DDX19A: variants seen among roughly 807,000 people sequenced by gnomAD.
DDX19A encodes the protein ATP-dependent RNA helicase DDX19A.
Under a neutral mutation model 60.6 loss-of-function variants are expected in DDX19A, and 12 were observed. That is an observed-to-expected ratio of 0.20 (90% confidence interval 0.13 to 0.32). DDX19A has a LOEUF of 0.32. DDX19A is among the 10% of genes least tolerant of loss of function. The pLI, the probability that DDX19A is intolerant of heterozygous loss-of-function variation, is 1.00. For synonymous variants in DDX19A, 206 were observed against 218.2 expected (o/e 0.94, Z 0.49); for missense variants, 337 against 600.6 (o/e 0.56, Z 4.59).
intron 5 of DDX19A, among the ~76,000 whole-genome samples, chr16:70,362,352 A>C (rs1002535948): frequency 2.0e-5 from 3 of 151,670 alleles, no homozygotes; most frequent in East Asian, 1.9e-4. Flanking sequence ...AAAAAAAAAA[A>C]AAAAAAAAAA....
Position 70,371,081 on chromosome 16 carries a change from C to G in DDX19A, c.1184-291C>G, listed in dbSNP as rs1361160483. ...TGGAAGGAAATGTACAGGCATCTGA[C>G]TGGTAGAGAACGGAGCCTACTCTTC... On this transcript the variant is annotated intron_variant, in intron 10 of 11. Transcript: ENST00000302243. The G allele has an allele frequency of 9.0e-6, 5 of 555,374 alleles. No homozygotes were observed. In the Admixed American group the frequency reaches 1.3e-4, roughly 14 times the overall value. The allele number at this position is 555,374 out of a possible 1,614,324, so 34.4% of individuals were successfully genotyped here. A position where few individuals can be genotyped will look rare whatever the true frequency, so the allele number is the denominator to read the frequency against.
At chr16:70,368,266 A>G (rs940197607) in intron 9 of DDX19A, among the ~76,000 whole-genome samples, 2 of 152,098 alleles carry the variant, frequency 1.3e-5, no homozygotes, top group East Asian at 1.9e-4. Flanking sequence ...CACTTGTGCC[A>G]AAAGTATTCT....
intron 11 of DDX19A, 87 bp downstream of exon 11, chr16:70,371,650 G>A (rs1162506104): frequency 4.1e-6 from 3 of 729,390 alleles, no homozygotes; most frequent in Non-Finnish European, 2.2e-6. Flanking sequence ...GTAGCCCCAA[G>A]AGAGGCTCTG....
chr16:70,349,882 C>T (rs1457307175), intron 1 of DDX19A, among the ~76,000 whole-genome samples: 1 of 152,136 alleles, frequency 6.6e-6, no homozygotes, highest in Non-Finnish European at 1.5e-5. Flanking sequence ...ATAAAGGCTT[C>T]CTAATAGTTG....
chr16:70,369,273 G>T, intron 9 of DDX19A, among the ~76,000 whole-genome samples: 1 of 143,456 alleles, frequency 7.0e-6, no homozygotes, highest in East Asian at 2.2e-4. Context: ...TCTGCCTCCC[G>T]GGTTCAAGCG....
chr16:70,371,705 G>A, intron 11 of DDX19A, 142 bp downstream of exon 11: 2 of 1,149,994 alleles, frequency 1.7e-6, no homozygotes. Flanking sequence ...GCAGTTCTCA[G>A]GGAGCACACC....
chr16:70,356,158 C>T lies in DDX19A; in HGVS notation c.204C>T (p.Asn68=). The change falls in exon 4 of 12, where the codon AAC becomes AAT. Residue 68 remains asparagine (N), a synonymous_variant. Coordinates refer to ENST00000302243, the MANE Select transcript of DDX19A (RefSeq NM_018332.5). ...TACTCAACAAGCTGATCAGAAGCAA[C>T]CTTGTTGATAACACAAACCAAGTGG... ...QSLLNKLIRS[N]LVDNTNQVEV... is the part of the protein sequence containing the mutation. 1.1e-5 allele frequency: 18 copies of T among 1,614,040 alleles called. No individual in the cohort carries two copies. The highest frequency in any genetic ancestry group is 2.2e-5 in the East Asian group (1 of 44,868).
chr16:70,370,100 G>A (rs1393016042), intron 9 of DDX19A, 123 bp from the exon 10 acceptor site: 4 of 1,363,554 alleles, frequency 2.9e-6, no homozygotes, highest in Non-Finnish European at 3.9e-6. Flanking sequence ...GGGAAGCCAA[G>A]GCAGGATAAT....
intron 3 of DDX19A, 82 bp downstream of exon 3, chr16:70,355,617 A>G: frequency 2.7e-6 from 3 of 1,093,652 alleles, no homozygotes; most frequent in Non-Finnish European, 4.2e-6. Flanking sequence ...TCCAAGCTAC[A>G]AGATCCAGGA....
chr16:70,355,638 A>G, intron 3 of DDX19A, 103 bp downstream of exon 3: 1 of 934,128 alleles, frequency 1.1e-6, no homozygotes, highest in Non-Finnish European at 1.7e-6. Flanking sequence ...GATGAGAGGA[A>G]TCAGAGAAGG....
chr16:70,353,373 C>A (rs538763430), intron 2 of DDX19A, among the ~76,000 whole-genome samples: 10 of 152,128 alleles, frequency 6.6e-5, no homozygotes, highest in African/African-American at 2.2e-4. Flanking sequence ...CTTGGCCTCG[C>A]AAAGTGCTAG....
At position 70,366,227 on chromosome 16, in the gene DDX19A, T is replaced by G. The variant is rs1964515666; in HGVS notation, c.747T>G (p.Thr249=). The change falls in exon 8 of 12, where the codon ACT becomes ACG. Residue 249 remains threonine, a synonymous_variant. Transcript: ENST00000302243. ...ATGAGGCTGATGTCATGATAGCCAC[T>G]CAGGGCCACCAAGATCAGAGCATCC... ...VLDEADVMIA[T]QGHQDQSIRI... is the part of the protein sequence containing the mutation. 1 of 1,614,062 alleles carries G rather than the reference T, an allele frequency of 6.2e-7. No individual in the cohort carries two copies. The highest frequency in any genetic ancestry group is 1.1e-5 in the South Asian group (1 of 91,068).
chr16:70,359,889 T>C (rs1360721514), intron 4 of DDX19A, among the ~76,000 whole-genome samples: 1 of 152,166 alleles, frequency 6.6e-6, no homozygotes, highest in Non-Finnish European at 1.5e-5. Context: ...TTATTTTGAT[T>C]AGACCTAAGT....
At chr16:70,355,000 T>C (rs1964137755) in intron 2 of DDX19A, among the ~76,000 whole-genome samples, 1 of 148,632 alleles carries the variant, frequency 6.7e-6, no homozygotes, top group African/African-American at 2.5e-5. Context: ...AGACCCTGTC[T>C]CAAAAAAAAA....
chr16:70,370,486 G>GAGAT, intron 10 of DDX19A, 101 bp downstream of exon 10: 1 of 1,478,380 alleles, frequency 6.8e-7, no homozygotes. Context: ...TGGTCTCAGG[G>GAGAT]AGATGGGTGG....
At chr16:70,355,984 C>G (rs1033249508) in intron 3 of DDX19A, 128 bp from the exon 4 acceptor site, 1 of 1,168,046 alleles carries the variant, frequency 8.6e-7, no homozygotes, top group South Asian at 1.4e-5. Flanking sequence ...AGAGACCTAT[C>G]AGTGTGATGG....
chr16:70,356,637 C>T (rs953370909), intron 4 of DDX19A, among the ~76,000 whole-genome samples: 2 of 151,926 alleles, frequency 1.3e-5, no homozygotes, highest in Admixed American at 6.6e-5. Context: ...GGATTACAGG[C>T]GTGAGCCACC....
chr16:70,356,904 TAGG>T (rs1468858745), intron 4 of DDX19A: 2 of 1,266,646 alleles, frequency 1.6e-6, no homozygotes, highest in Admixed American at 2.5e-5. Context: ...CATTTCTGAT[TAGG>T]TAAGCCCTTA....
chr16:70,360,439 A>G (rs751986339), intron 4 of DDX19A, among the ~76,000 whole-genome samples: 23 of 151,086 alleles, frequency 1.5e-4, no homozygotes, highest in Non-Finnish European at 2.5e-4. Flanking sequence ...TCCTGCCTCA[A>G]TCTCCCAAGT....
Sources: allele counts gnomAD v4.1 joint callset (sites outside exome capture counted in the v4.1 genomes callset), GRCh38; gene constraint gnomAD v4.1.1; transcripts MANE v1.5; gene names NCBI Gene and HGNC (gene_info 2026-07-23, HGNC 2026-07-21).